Variants in NDST3 observed in about 807,000 individuals in gnomAD.
NDST3 encodes the protein bifunctional heparan sulfate N-deacetylase/N-sulfotransferase 3.
Under a neutral mutation model 96.1 loss-of-function variants are expected in NDST3, and 58 were observed. The observed-to-expected ratio is 0.60, with a 90% CI of 0.49 to 0.75. The LOEUF is 0.75. Among genes scored for constraint, NDST3 ranks in the 30% least tolerant of loss-of-function variants. The pLI is 0.00. For synonymous variants in NDST3, 333 were observed against 359.7 expected (o/e 0.93, Z 0.84); for missense variants, 788 against 1,034.2 (o/e 0.76, Z 3.27).
At chr4:118,115,542 G>T (rs572356973) in intron 4 of NDST3, among the ~76,000 whole-genome samples, 11 of 152,318 alleles carry the variant, frequency 7.2e-5, no homozygotes, top group African/African-American at 2.6e-4. Context: ...AATCTAAACA[G>T]TTAAAAGCAT....
chr4:118,035,130 A>G (rs953093741), intron 1 of NDST3, among the ~76,000 whole-genome samples: 31 of 152,300 alleles, frequency 2.0e-4, no homozygotes, highest in Non-Finnish European at 8.8e-5. Flanking sequence ...TATTTAATAT[A>G]TCCATTTTGT....
At chr4:118,095,181 T>C (rs566831984) in intron 2 of NDST3, among the ~76,000 whole-genome samples, 3 of 151,860 alleles carry the variant, frequency 2.0e-5, no homozygotes, top group Non-Finnish European at 2.9e-5. Context: ...ACATGAGTAT[T>C]TGGGGAGAGC....
At chr4:118,091,397 G>C (rs1347702316) in intron 2 of NDST3, among the ~76,000 whole-genome samples, 1 of 151,730 alleles carries the variant, frequency 6.6e-6, no homozygotes, top group Non-Finnish European at 1.5e-5. Flanking sequence ...TTTCTTTGTA[G>C]AAACCATGTG....
intron 12 of NDST3, among the ~76,000 whole-genome samples, chr4:118,249,727 C>T (rs1343594057): frequency 8.2e-5 from 11 of 134,718 alleles, no homozygotes; most frequent in African/African-American, 2.9e-4. Flanking sequence ...ACTACAGCCC[C>T]ACATACACAC....
chr4:118,114,657 A>G, intron 3 of NDST3, 149 bp from the exon 4 acceptor site: 1 of 710,912 alleles, frequency 1.4e-6, no homozygotes, highest in Non-Finnish European at 2.3e-6. Context: ...ATTTTCCTTG[A>G]TACATTTGGG....
At chr4:118,077,583 G>A (rs1185666017) in intron 2 of NDST3, among the ~76,000 whole-genome samples, 1 of 152,154 alleles carries the variant, frequency 6.6e-6, no homozygotes. Flanking sequence ...GTCCAGAGAG[G>A]TCCCTCAGGC....
chr4:118,062,196 T>C (rs1725948875), intron 2 of NDST3, among the ~76,000 whole-genome samples: 1 of 152,208 alleles, frequency 6.6e-6, no homozygotes, highest in Admixed American at 6.5e-5. Context: ...AATGAGAATC[T>C]ATTCATGGTA....
intron 6 of NDST3, among the ~76,000 whole-genome samples, chr4:118,174,177 G>A (rs900770461): frequency 4.6e-5 from 7 of 152,304 alleles, no homozygotes; most frequent in South Asian, 4.1e-4. Flanking sequence ...GCACAGCTTC[G>A]TTTCCTGTGT....
At chr4:118,104,252 G>C (rs1304672196) in intron 2 of NDST3, among the ~76,000 whole-genome samples, 3 of 152,032 alleles carry the variant, frequency 2.0e-5, no homozygotes, top group African/African-American at 7.2e-5. Flanking sequence ...TTTCTGCCTA[G>C]TTGAAGTGAA....
In NDST3 at chr4:118,138,122, T is replaced by C. The variant is rs1733272936; in HGVS notation, c.1293T>C (p.His431=). The change falls in exon 5 of 14, where the codon CAT becomes CAC. Residue 431 remains histidine, a synonymous_variant. Transcript: ENST00000296499. ...ACCATTCGGGCGTCTACCCTGTACA[T>C]GTTCAGCTTTATGAGGCCTGGAAGA... ...APHHSGVYPV[H]VQLYEAWKKV... 1.9e-6 allele frequency: 3 copies of C among 1,614,006 alleles called. No homozygotes were observed. The highest frequency in any genetic ancestry group is 2.5e-6 in the Non-Finnish European group (3 of 1,179,962).
chr4:118,050,016 A>G (rs182066800), intron 1 of NDST3, among the ~76,000 whole-genome samples: 1 of 152,320 alleles, frequency 6.6e-6, no homozygotes, highest in African/African-American at 2.4e-5. Flanking sequence ...CCAGCAGCAC[A>G]TCAAAAATTT....
chr4:118,186,335 G>C (rs1736957672), intron 6 of NDST3, among the ~76,000 whole-genome samples: 1 of 152,126 alleles, frequency 6.6e-6, no homozygotes, highest in Admixed American at 6.5e-5. Context: ...TAGAGGGACA[G>C]AACTAATAAG....
Position 118,048,342 on chromosome 4 carries a change from A to C in NDST3, c.-155-5414A>C, listed in dbSNP as rs1578533196. 2.0e-5 allele frequency among the ~76,000 whole-genome samples: 3 copies of C among 152,288 alleles called. No individual in the cohort carries two copies. In the South Asian group the frequency reaches 6.2e-4, roughly 32 times the overall value. ...ATCAAGTCTTCATAACAACCAGCTA[A>C]CAACATGATGACAGGACCAAAATCT... is the stretch of plus-strand genomic sequence containing the variant. On this transcript the variant is annotated intron_variant, in intron 1 of 13. Coordinates refer to ENST00000296499, the MANE Select transcript of NDST3 (RefSeq NM_004784.3).
chr4:118,160,033 G>T lies in NDST3; in HGVS notation c.1539+16349G>T, dbSNP rs551903638. On this transcript the variant is annotated intron_variant, in intron 6 of 13. Transcript: ENST00000296499. ...ATAATGGCCAAAACTTCCCAAATAC[G>T]GAAAAGGAAGTAGAGATCCAAGTTC... is the stretch of plus-strand genomic sequence containing the variant. Among the ~76,000 whole-genome samples, 20 of 152,112 alleles carry T rather than the reference G, an allele frequency of 1.3e-4. No individual in the cohort carries two copies. The South Asian group carries it at 4.2e-3, about 32-fold the overall frequency.
intron 2 of NDST3, among the ~76,000 whole-genome samples, chr4:118,093,405 T>C (rs546947788): frequency 1.4e-4 from 21 of 151,960 alleles, no homozygotes; most frequent in African/African-American, 5.1e-4. Flanking sequence ...ATTAATTAGT[T>C]GATGTATTAA....
At chr4:118,066,150 T>A (rs866551605) in intron 2 of NDST3, among the ~76,000 whole-genome samples, 7 of 14,276 alleles carry the variant, frequency 4.9e-4, no homozygotes, top group Admixed American at 3.1e-3. Context: ...ATTTTATATA[T>A]TATATATATT....
chr4:118,166,266 A>G (rs1168101598), intron 6 of NDST3, among the ~76,000 whole-genome samples: 2 of 151,898 alleles, frequency 1.3e-5, no homozygotes, highest in East Asian at 3.8e-4. Context: ...AATAGTCTAT[A>G]ATGTACAATT....
intron 6 of NDST3, chr4:118,193,353 AG>A (rs1318668986): frequency 1.2e-5 from 6 of 486,078 alleles, no homozygotes; most frequent in African/African-American, 1.2e-4. Flanking sequence ...AACAGGGCAG[AG>A]TAGGGAGACG....
At chr4:118,115,731 G>C (rs1578666435) in intron 4 of NDST3, among the ~76,000 whole-genome samples, 1 of 152,004 alleles carries the variant, frequency 6.6e-6, no homozygotes, top group Admixed American at 6.5e-5. Flanking sequence ...TACATGGAAT[G>C]GTTTTCTACA....
Sources: gnomAD v4.1 joint callset for allele counts (sites outside exome capture counted in the v4.1 genomes callset) on GRCh38, gnomAD v4.1.1 for gene constraint, MANE v1.5 for transcripts, NCBI Gene and HGNC (gene_info 2026-07-23, HGNC 2026-07-21) for gene names.